Variants in SMCO2 observed in about 807,000 individuals in gnomAD.
SMCO2 encodes single-pass membrane and coiled-coil domain-containing protein 2.
SMCO2 carries 25 observed loss-of-function variants against 29.5 expected under a neutral mutation model. The observed-to-expected ratio is 0.85, with a 90% CI of 0.62 to 1.18. The LOEUF is 1.18. Ranked by LOEUF, SMCO2 falls within the 50% of genes most tolerant of loss-of-function variation. SMCO2 has a pLI of 0.00. For synonymous variants in SMCO2, 117 were observed against 123.3 expected (o/e 0.95, Z 0.34); for missense variants, 348 against 344.5 (o/e 1.01, Z -0.08).
intron 5 of SMCO2, among the ~76,000 whole-genome samples, chr12:27,488,854 T>A (rs1949711420): frequency 6.6e-6 from 1 of 152,146 alleles, no homozygotes; most frequent in Non-Finnish European, 1.5e-5. Context: ...CACCTAACGG[T>A]ACAGAGAATA....
Position 27,474,718 on chromosome 12 carries a change from G to C in SMCO2, c.235-68G>C, listed in dbSNP as rs566706034. Reference sequence around the variant, plus strand: ...CCCCAGCAAAGGGGGATTGGGTAGGGCTGGAAGAACCACCACATCTTGTAC... The same window carrying C: ...CCCCAGCAAAGGGGGATTGGGTAGGCCTGGAAGAACCACCACATCTTGTAC... On this transcript the variant is annotated intron_variant, in intron 3 of 7. Coordinates refer to ENST00000298876, the Ensembl canonical transcript of SMCO2. The C allele has an allele frequency of 7.2e-6, 11 of 1,533,738 alleles. No individual in the cohort carries two copies. The African/African-American group carries it at 8.2e-5, about 11-fold the overall frequency.
At chr12:27,487,933 T>C (rs1311966915) in intron 4 of SMCO2, among the ~76,000 whole-genome samples, 1 of 145,868 alleles carries the variant, frequency 6.9e-6, no homozygotes, top group Admixed American at 6.8e-5. Context: ...ATTGGATAGG[T>C]TTTTTTTTAA....
the SMCO2 span, chr12:27,425,294 C>G: frequency 6.6e-6 from 1 of 151,726 alleles, no homozygotes; most frequent in Non-Finnish European, 1.5e-5. Context: ...AAAGTGCTCC[C>G]TTAACTACTT....
At chr12:27,472,483 G>A (rs1283561610) in intron 2 of SMCO2, among the ~76,000 whole-genome samples, 1 of 152,066 alleles carries the variant, frequency 6.6e-6, no homozygotes, top group African/African-American at 2.4e-5. Flanking sequence ...TGTTGATTGT[G>A]CACACTCATT....
intron 4 of SMCO2, among the ~76,000 whole-genome samples, chr12:27,484,796 T>C (rs1195716084): frequency 2.2e-5 from 3 of 138,692 alleles, no homozygotes; most frequent in African/African-American, 8.0e-5. Flanking sequence ...GAGGCTGCAG[T>C]GAGCCAAGAT....
intron 3 of SMCO2, among the ~76,000 whole-genome samples, chr12:27,474,466 T>C (rs1480272140): frequency 6.6e-6 from 1 of 152,060 alleles, no homozygotes; most frequent in Non-Finnish European, 1.5e-5. Flanking sequence ...ATGACATTGA[T>C]TTTTTTTAAG....
the SMCO2 span, among the ~76,000 whole-genome samples, chr12:27,433,177 C>CGT: frequency 9.9e-5 from 15 of 151,346 alleles, no homozygotes; most frequent in East Asian, 5.8e-4. Context: ...CACATATAGA[C>CGT]GTGTGTGTGT....
chr12:27,441,368 C>T, the SMCO2 span, among the ~76,000 whole-genome samples: 1 of 152,060 alleles, frequency 6.6e-6, no homozygotes, highest in Non-Finnish European at 1.5e-5. Flanking sequence ...TACACGTAGA[C>T]CGAAAGTGAT....
rs76936466 is a variant in SMCO2 at position 27,478,269 on chromosome 12, A to G, written c.362+3356A>G. Among the ~76,000 whole-genome samples, 1,504 of 152,232 alleles carry G rather than the reference A, an allele frequency of 9.9e-3. 16 individuals are homozygous for G. Among genetic ancestry groups the G allele is most frequent in the Non-Finnish European group, 0.015 (1,030 of 68,000 alleles). On this transcript the variant is annotated intron_variant, in intron 4 of 7. Transcript: ENST00000298876. ...AAACTTTACTGGGGACAGTTACCCT[A>G]GGCAGATTGGTCCTCAAGTGCTAGT...
intron 5 of SMCO2, among the ~76,000 whole-genome samples, chr12:27,492,325 T>C (rs1565682023): frequency 6.6e-6 from 1 of 152,228 alleles, no homozygotes; most frequent in Non-Finnish European, 1.5e-5. Context: ...TATTTGGTAC[T>C]TTATAATCAA....
the SMCO2 span, among the ~76,000 whole-genome samples, chr12:27,433,157 T>G: frequency 1.3e-5 from 2 of 152,124 alleles, no homozygotes; most frequent in Non-Finnish European, 2.9e-5. Context: ...AAAATAAACA[T>G]ACACGTACAC....
At chr12:27,467,826 T>C (rs1280036246) in intron 1 of SMCO2, among the ~76,000 whole-genome samples, 1 of 152,180 alleles carries the variant, frequency 6.6e-6, no homozygotes, top group Admixed American at 6.5e-5. Context: ...AGATGTGCCA[T>C]GGTTGGCTAA....
the SMCO2 span, among the ~76,000 whole-genome samples, chr12:27,436,641 A>G: frequency 6.6e-6 from 1 of 152,238 alleles, no homozygotes; most frequent in East Asian, 1.9e-4. Context: ...TATGAATTTA[A>G]AAGTAATGAG....
chr12:27,462,145 GT>G (rs1949463540), upstream of SMCO2, among the ~76,000 whole-genome samples: 1 of 152,122 alleles, frequency 6.6e-6, no homozygotes, highest in Admixed American at 6.5e-5. Context: ...TCACAATGAT[GT>G]TTTTTTCCTA....
At chr12:27,439,035 G>T in the SMCO2 span, among the ~76,000 whole-genome samples, 2 of 152,162 alleles carry the variant, frequency 1.3e-5, no homozygotes, top group Non-Finnish European at 2.9e-5. Context: ...TGGTTAATAA[G>T]CTTCCTCACC....
intron 7 of SMCO2, among the ~76,000 whole-genome samples, chr12:27,501,419 A>AC (rs1943074919): frequency 1.5e-5 from 1 of 64,708 alleles, no homozygotes; most frequent in African/African-American, 6.6e-5. Flanking sequence ...CCGTCTCAAA[A>AC]AAAAAAAAAA....
intron 3 of SMCO2, among the ~76,000 whole-genome samples, chr12:27,473,927 T>A (rs1949562336): frequency 6.6e-6 from 1 of 152,216 alleles, no homozygotes; most frequent in African/African-American, 2.4e-5. Flanking sequence ...GCAGAACATG[T>A]CTTGGATGCT....
At chr12:27,497,732 CA>C (rs544348765) in intron 7 of SMCO2, 6,410 of 89,284 alleles carry the variant, frequency 0.072, 100 homozygotes, top group Middle Eastern at 0.16. Flanking sequence ...GACCTGGTCT[CA>C]AAAAAAAAAA....
At chr12:27,432,893 A>G in the SMCO2 span, among the ~76,000 whole-genome samples, 1 of 152,206 alleles carries the variant, frequency 6.6e-6, no homozygotes, top group East Asian at 1.9e-4. Flanking sequence ...TCACTGATTA[A>G]TCCTCATTTT....
Sources: allele counts gnomAD v4.1 joint callset (sites outside exome capture counted in the v4.1 genomes callset), GRCh38; gene constraint gnomAD v4.1.1; transcripts MANE v1.5; gene names NCBI Gene and HGNC (gene_info 2026-07-23, HGNC 2026-07-21).